Variants in AAK1 observed in about 807,000 individuals in gnomAD.
AAK1 encodes AP2 associated kinase 1.
In AAK1, 37 loss-of-function variants were observed where a neutral mutation model predicts 116.0. The ratio of observed to expected loss-of-function variants is 0.32; its 90% CI spans 0.25 to 0.42. The LOEUF (loss-of-function observed/expected upper bound fraction) is 0.42. Among genes scored for constraint, AAK1 ranks in the 10% least tolerant of loss-of-function variants. The probability of loss-of-function intolerance (pLI) is 1.00; values close to 1 mark genes in which losing one functional copy is unlikely to be tolerated. For synonymous variants in AAK1, 458 were observed against 439.9 expected, an observed-to-expected ratio of 1.04 and a Z score of -0.51; for missense variants, 919 against 1,170.6, an observed-to-expected ratio of 0.79 and a Z score of 3.14.
In AAK1 at chr2:69,468,984, A is replaced by T; in HGVS notation, c.*6885T>A. ...CTTTGAATAATTTACAAAAACAGTC[A>T]CAAAAACACCAGAATATCAAGTTTG... On this transcript the variant is annotated 3_prime_UTR_variant, in exon 22 of 22. Transcript: ENST00000409085. 1.0e-6 allele frequency: 1 copy of T among 985,466 alleles called. No homozygotes were observed. Among genetic ancestry groups the T allele is most frequent in the Non-Finnish European group, 1.2e-6 (1 of 829,930 alleles). The allele number at this position is 985,466 out of a possible 1,614,324, so 61.0% of individuals were successfully genotyped here.
intron 4 of AAK1, 98 bp from the exon 5 acceptor site, chr2:69,542,763 A>G: frequency 7.2e-7 from 1 of 1,380,030 alleles, no homozygotes; most frequent in Non-Finnish European, 9.9e-7. Flanking sequence ...AGCAGTCTGG[A>G]CTAAGGTAAC....
intron 2 of AAK1, among the ~76,000 whole-genome samples, chr2:69,612,841 C>G (rs1304680441): frequency 6.6e-6 from 1 of 152,182 alleles, no homozygotes; most frequent in East Asian, 1.9e-4. Flanking sequence ...TCTGTGTCTT[C>G]CACTCTACTA....
rs1674528689 is a variant in AAK1, at chr2:69,467,511, A to G, written c.*8358T>C. 7 of 985,454 alleles carry G rather than the reference A, an allele frequency of 7.1e-6. No individual in the cohort carries two copies. The highest frequency in any genetic ancestry group is 8.4e-6 in the Non-Finnish European group (7 of 829,930). The allele number at this position is 985,454 out of a possible 1,614,324, so 61.0% of individuals were successfully genotyped here. ...ATATGTAACTAAGCAAGAAGAATCC[A>G]GAGAAAGGGTGGTTGGGGGTAAAGG... On this transcript the variant is annotated 3_prime_UTR_variant, in exon 22 of 22. Transcript: ENST00000409085.
chr2:69,524,951 A>C (rs538953131), intron 10 of AAK1, 82 bp downstream of exon 10: 3 of 1,351,254 alleles, frequency 2.2e-6, no homozygotes, highest in African/African-American at 2.9e-5. Context: ...GACAGCATAC[A>C]TAAGAATCAA....
intron 12 of AAK1, among the ~76,000 whole-genome samples, chr2:69,516,166 G>A (rs1035571614): frequency 7.9e-5 from 12 of 152,038 alleles, no homozygotes; most frequent in African/African-American, 2.2e-4. Flanking sequence ...GTAGCTGAAC[G>A]CGCCAGAAAA....
intron 2 of AAK1, among the ~76,000 whole-genome samples, chr2:69,627,703 C>G (rs1215308915): frequency 3.9e-5 from 6 of 152,192 alleles, no homozygotes; most frequent in Non-Finnish European, 8.8e-5. Flanking sequence ...GTGGACTCCT[C>G]TTCCTCCACA....
chr2:69,530,502 G>C (rs2105023304), intron 7 of AAK1, 123 bp downstream of exon 7: 1 of 724,892 alleles, frequency 1.4e-6, no homozygotes, highest in East Asian at 2.8e-5. Flanking sequence ...ATAACCTTGA[G>C]GGGTAAGTAG....
At chr2:69,553,437 G>GGTTTT (rs1438829164) in intron 3 of AAK1, among the ~76,000 whole-genome samples, 1 of 79,598 alleles carries the variant, frequency 1.3e-5, no homozygotes, top group African/African-American at 5.3e-5. Context: ...ATTGAAAGTT[G>GGTTTT]TTTTTTTTTT....
At chr2:69,492,038 A>G (rs1675542604) in intron 17 of AAK1, among the ~76,000 whole-genome samples, 1 of 152,098 alleles carries the variant, frequency 6.6e-6, no homozygotes, top group Admixed American at 6.5e-5. Flanking sequence ...TCCAAACAAC[A>G]CTAAGGACTC....
chr2:69,542,801 T>A, intron 4 of AAK1, 136 bp from the exon 5 acceptor site: 1 of 966,676 alleles, frequency 1.0e-6, no homozygotes, highest in Non-Finnish European at 1.5e-6. Context: ...GAGCCAGGAT[T>A]AAAACCTAGT....
intron 13 of AAK1, among the ~76,000 whole-genome samples, chr2:69,513,608 G>A (rs1321349472): frequency 6.6e-6 from 1 of 152,134 alleles, no homozygotes; most frequent in Non-Finnish European, 1.5e-5. Flanking sequence ...CAGGCGTGAG[G>A]CCACTGTGCC....
chr2:69,551,509 C>A (rs2105072935), intron 3 of AAK1, among the ~76,000 whole-genome samples: 1 of 152,320 alleles, frequency 6.6e-6, no homozygotes, highest in African/African-American at 2.4e-5. Context: ...AAACCATTTG[C>A]CTGCTTTGAA....
chr2:69,475,149 T>G lies in AAK1; in HGVS notation c.*720A>C. 1 of 985,748 alleles carries G rather than the reference T, an allele frequency of 1.0e-6. No homozygotes were observed. The highest frequency in any genetic ancestry group is 4.7e-5 in the South Asian group (1 of 21,278). The allele number at this position is 985,748 out of a possible 1,614,324, so 61.1% of individuals were successfully genotyped here. ...AGGATCTCAAATACTTGCAGTCACG[T>G]CTCCAGATCTGAGAAATCACGGTTC... On this transcript the variant is annotated 3_prime_UTR_variant, in exon 22 of 22. Coordinates refer to ENST00000409085, the MANE Select transcript of AAK1 (RefSeq NM_014911.5).
rs371863806 is a variant in AAK1, at chr2:69,463,729, T to A, written c.*12140A>T. On this transcript the variant is annotated 3_prime_UTR_variant, in exon 22 of 22. Transcript: ENST00000409085. ...GGTTTCACCATGTTGGCCAGGCTGG[T>A]CTCAAACTCCTGACCTTGTGATCTG... The A allele has an allele frequency of 6.6e-6, 1 of 152,384 alleles. No homozygotes were observed. Among genetic ancestry groups the A allele is most frequent in the East Asian group, 1.9e-4 (1 of 5,186 alleles). 9.4% of individuals were successfully genotyped at this position (152,384 alleles called of 1,614,324 possible). A position where few individuals can be genotyped will look rare whatever the true frequency, so the allele number is the denominator to read the frequency against.
chr2:69,602,039 C>T (rs1312365755), intron 2 of AAK1, among the ~76,000 whole-genome samples: 1 of 152,176 alleles, frequency 6.6e-6, no homozygotes, highest in African/African-American at 2.4e-5. Context: ...CAGTCAAAAA[C>T]ACATACCTTA....
At chr2:69,523,490 G>A (rs185662799) in intron 10 of AAK1, among the ~76,000 whole-genome samples, 1 of 152,316 alleles carries the variant, frequency 6.6e-6, no homozygotes, top group East Asian at 1.9e-4. Flanking sequence ...TTATTTGACT[G>A]TTCAATTAAA....
intron 2 of AAK1, among the ~76,000 whole-genome samples, chr2:69,567,293 G>C (rs183607951): frequency 6.6e-6 from 1 of 152,264 alleles, no homozygotes; most frequent in African/African-American, 2.4e-5. Flanking sequence ...GATGGTCCCT[G>C]GCCCTCACTC....
At chr2:69,520,522 C>T (rs540920095) in intron 11 of AAK1, among the ~76,000 whole-genome samples, 174 of 152,080 alleles carry the variant, frequency 1.1e-3, no homozygotes, top group African/African-American at 4.0e-3. Context: ...CAATGCCTGG[C>T]TAATTTTTTG....
chr2:69,609,208 C>G (rs560067166), intron 2 of AAK1, among the ~76,000 whole-genome samples: 1 of 150,934 alleles, frequency 6.6e-6, no homozygotes, highest in African/African-American at 2.4e-5. Flanking sequence ...CCAAAACACA[C>G]AAAAATTAGC....
Sources: gnomAD v4.1 joint callset for allele counts (sites outside exome capture counted in the v4.1 genomes callset) on GRCh38, gnomAD v4.1.1 for gene constraint, MANE v1.5 for transcripts, NCBI Gene and HGNC (gene_info 2026-07-23, HGNC 2026-07-21) for gene names.